GRIK3: variants seen among roughly 807,000 people sequenced by gnomAD.
GRIK3 encodes glutamate receptor ionotropic, kainate 3.
Under a neutral mutation model 102.5 loss-of-function variants are expected in GRIK3, and 29 were observed. That is an observed-to-expected ratio of 0.28 (90% CI 0.21 to 0.39). The LOEUF (loss-of-function observed/expected upper bound fraction) is 0.39. GRIK3 is among the 10% of genes least tolerant of loss of function. GRIK3 has a pLI of 1.00. For synonymous variants in GRIK3, 511 were observed against 504.9 expected (o/e 1.01, Z -0.16); for missense variants, 908 against 1,252.4 (o/e 0.73, Z 4.15).
intron 1 of GRIK3, among the ~76,000 whole-genome samples, chr1:36,954,743 G>A (rs1641883859): frequency 1.3e-5 from 2 of 152,232 alleles, no homozygotes; most frequent in Non-Finnish European, 2.9e-5. Context: ...ACACACCTGT[G>A]CACGCACAAG....
intron 1 of GRIK3, among the ~76,000 whole-genome samples, chr1:37,011,281 A>G (rs1642594064): frequency 6.6e-6 from 1 of 152,228 alleles, no homozygotes; most frequent in Non-Finnish European, 1.5e-5. Flanking sequence ...CATTGTTGTG[A>G]CAGTGAAATG....
chr1:36,995,943 C>A (rs764939683), intron 1 of GRIK3, among the ~76,000 whole-genome samples: 1 of 152,200 alleles, frequency 6.6e-6, no homozygotes, highest in South Asian at 2.1e-4. Context: ...GTCACATTCT[C>A]TTTGTGCTGG....
intron 5 of GRIK3, among the ~76,000 whole-genome samples, chr1:36,860,751 T>C (rs533370463): frequency 9.2e-5 from 14 of 152,236 alleles, no homozygotes; most frequent in African/African-American, 3.1e-4. Flanking sequence ...CAGGTGTCCC[T>C]AAGCTAGGAG....
rs147879546 is a variant in GRIK3, at chr1:36,937,286, G to A, written c.116-46190C>T. Among the ~76,000 whole-genome samples the A allele has an allele frequency of 4.5e-3, 679 of 152,228 alleles. 7 individuals carry two copies. Among genetic ancestry groups the A allele is most frequent in the African/African-American group, 0.016 (659 of 41,534 alleles). ...ACGCCCTCGAGTGAACAACAAGCCC[G>A]GTGTGAATCAGCTTCCTAGATGGCT... On this transcript the variant is annotated intron_variant, in intron 1 of 15. Transcript: ENST00000373091.
chr1:36,859,105 C>A lies in GRIK3; in HGVS notation c.1104+3G>T. The A allele has an allele frequency of 6.2e-7, 1 of 1,603,528 alleles. No individual in the cohort carries two copies. The highest frequency in any genetic ancestry group is 8.5e-7 in the Non-Finnish European group (1 of 1,172,852). On this transcript the variant is annotated splice_donor_region_variant and intron_variant, in intron 7 of 15. Coordinates refer to ENST00000373091, the MANE Select transcript of GRIK3 (RefSeq NM_000831.4). Reference sequence around the variant, plus strand: ...ACACTGGTGGGGGCTGTGGGGCACTCACCTCCTTGATGAAGTTCATGAAGC... The same window carrying A: ...ACACTGGTGGGGGCTGTGGGGCACTAACCTCCTTGATGAAGTTCATGAAGC...
At chr1:36,948,825 G>A (rs1641811915) in intron 1 of GRIK3, among the ~76,000 whole-genome samples, 1 of 152,162 alleles carries the variant, frequency 6.6e-6, no homozygotes, top group Non-Finnish European at 1.5e-5. Context: ...CCGCCAGGTG[G>A]ACAGGCAGGA....
intron 1 of GRIK3, among the ~76,000 whole-genome samples, chr1:37,031,557 G>T (rs1642828363): frequency 6.6e-6 from 1 of 152,194 alleles, no homozygotes; most frequent in Non-Finnish European, 1.5e-5. Flanking sequence ...GCCCTCTCCG[G>T]GCTGGTGCTC....
At chr1:36,952,883 C>T (rs1020800936) in intron 1 of GRIK3, among the ~76,000 whole-genome samples, 3 of 152,182 alleles carry the variant, frequency 2.0e-5, no homozygotes, top group South Asian at 2.1e-4. Flanking sequence ...GGAGAGGGAA[C>T]GAGCTATGTG....
chr1:36,957,185 A>G (rs1168922645), intron 1 of GRIK3, among the ~76,000 whole-genome samples: 2 of 152,232 alleles, frequency 1.3e-5, no homozygotes, highest in African/African-American at 2.4e-5. Context: ...AGAGAGGGAC[A>G]TGTGTTTACT....
At chr1:36,818,812 C>T (rs1642663814) in intron 12 of GRIK3, among the ~76,000 whole-genome samples, 1 of 152,216 alleles carries the variant, frequency 6.6e-6, no homozygotes, top group African/African-American at 2.4e-5. Context: ...TTCTCTGTCC[C>T]TGGAAGCCCC....
At chr1:37,026,503 G>A (rs577525866) in intron 1 of GRIK3, among the ~76,000 whole-genome samples, 1 of 152,292 alleles carries the variant, frequency 6.6e-6, no homozygotes, top group African/African-American at 2.4e-5. Flanking sequence ...CCCCACCCTT[G>A]GGGAACTCTC....
intron 10 of GRIK3, among the ~76,000 whole-genome samples, chr1:36,839,880 C>T (rs1056455057): frequency 1.3e-5 from 2 of 152,204 alleles, no homozygotes; most frequent in Middle Eastern, 3.2e-3. Flanking sequence ...CAGCCTCCCT[C>T]CCCACTTGCG....
At chr1:36,822,728 G>A (rs1557693030) in intron 11 of GRIK3, among the ~76,000 whole-genome samples, 1 of 152,114 alleles carries the variant, frequency 6.6e-6, no homozygotes, top group Non-Finnish European at 1.5e-5. Flanking sequence ...ACCCAGATTT[G>A]GCTGCAATGT....
Position 36,872,246 on chromosome 1 carries a change from C to T in GRIK3, c.674G>A (p.Arg225Gln), listed in dbSNP as rs555053529. The T allele has an allele frequency of 2.5e-5, 41 of 1,612,068 alleles. No individual in the cohort carries two copies. The highest frequency in any genetic ancestry group is 1.7e-4 in the Middle Eastern group (1 of 6,058). Residue 225 changes from arginine to glutamine, a missense_variant, in exon 4 of 16, where the codon CGG (arginine) becomes CAG (glutamine). Coordinates refer to ENST00000373091, the MANE Select transcript of GRIK3 (RefSeq NM_000831.4). The surrounding 1 kb of genome is among the most constrained non-coding windows in gnomAD (Gnocchi z 5.9). Reference protein sequence around the residue: ...RPLLKEMKRGREFRIIFDCSH... With the variant: ...RPLLKEMKRGQEFRIIFDCSH... The stretch of plus-strand genomic sequence containing the variant: ...GCAGTCGAAGATAATGCGGAATTCC[C>T]GGCCTCGCTTCATCTCCTTGAGCAA...
chr1:36,967,560 T>C (rs898452473), intron 1 of GRIK3, among the ~76,000 whole-genome samples: 3 of 152,138 alleles, frequency 2.0e-5, no homozygotes, highest in Middle Eastern at 3.4e-3. Flanking sequence ...AGGTGACAGG[T>C]AGGAGGTAAA....
At position 36,819,821 on chromosome 1, in the gene GRIK3, G is replaced by C; in HGVS notation, c.1788C>G (p.Pro596=). The C allele has an allele frequency of 6.3e-7, 1 of 1,596,658 alleles. No homozygotes were observed. The highest frequency in any genetic ancestry group is 8.6e-7 in the Non-Finnish European group (1 of 1,169,002). The change falls in exon 12 of 16, where the codon CCC becomes CCG. Residue 596 remains proline, a synonymous_variant. Coordinates refer to ENST00000373091, the MANE Select transcript of GRIK3 (RefSeq NM_000831.4). The surrounding 1 kb of genome is among the most constrained non-coding windows in gnomAD (Gnocchi z 4.1). ...CCACCACCTCGGAGCCAGGGTTGCA[G>C]GGGTGAGCATCGTACCACTCATAAG... ...FSPYEWYDAH[P]CNPGSEVVEN...
At chr1:36,862,712 G>C (rs559362893) in intron 5 of GRIK3, among the ~76,000 whole-genome samples, 55 of 152,268 alleles carry the variant, frequency 3.6e-4, no homozygotes, top group African/African-American at 1.3e-3. Flanking sequence ...ACCTGGGCTC[G>C]AGTTTCACCC....
intron 1 of GRIK3, among the ~76,000 whole-genome samples, chr1:36,965,480 A>G (rs978419011): frequency 2.0e-5 from 3 of 152,144 alleles, no homozygotes; most frequent in African/African-American, 7.2e-5. Flanking sequence ...GCTCACATGG[A>G]CTTGTTTTCC....
intron 1 of GRIK3, among the ~76,000 whole-genome samples, chr1:36,925,197 C>T (rs1015577845): frequency 3.3e-5 from 5 of 152,212 alleles, no homozygotes; most frequent in Non-Finnish European, 5.9e-5. Context: ...CATGGACATG[C>T]TAGCACACAG....
Sources: gnomAD v4.1 joint callset for allele counts (sites outside exome capture counted in the v4.1 genomes callset) on GRCh38, gnomAD v4.1.1 for gene constraint, Gnocchi (gnomAD v3.1) non-coding constraint, MANE v1.5 for transcripts, NCBI Gene and HGNC (gene_info 2026-07-23, HGNC 2026-07-21) for gene names.